DRC5: variants seen among roughly 807,000 people sequenced by gnomAD.
DRC5 encodes dynein regulatory complex subunit 5.
At chr6:44,295,317 G>A in the DRC5 span, among the ~76,000 whole-genome samples, 4 of 152,134 alleles carry the variant, frequency 2.6e-5, no homozygotes, top group South Asian at 4.1e-4. Context: ...GTGGGGACAC[G>A]TGCAGTGGAC....
At chr6:44,294,044 G>A in the DRC5 span, among the ~76,000 whole-genome samples, 8 of 151,734 alleles carry the variant, frequency 5.3e-5, no homozygotes, top group African/African-American at 1.7e-4. Flanking sequence ...GTGCCATGGC[G>A]CAATCTCAGC....
the DRC5 span, among the ~76,000 whole-genome samples, chr6:44,281,735 C>T: frequency 2.0e-3 from 304 of 152,338 alleles, 2 homozygotes; most frequent in African/African-American, 6.9e-3. Context: ...TTTAGAGACA[C>T]AGTCTATTAG....
the DRC5 span, chr6:44,288,045 G>C: frequency 8.1e-6 from 4 of 496,718 alleles, no homozygotes; most frequent in South Asian, 1.7e-4. Context: ...AGTTATCTGT[G>C]TGGCCTTGGG....
At chr6:44,292,043 C>G in the DRC5 span, among the ~76,000 whole-genome samples, 103,114 of 151,990 alleles carry the variant, frequency 0.68, 35,990 homozygotes, top group Non-Finnish European at 0.77. Flanking sequence ...CATGTGGTCT[C>G]TGGCATCCAG....
At chr6:44,282,590 G>C in the DRC5 span, 4 of 1,538,256 alleles carry the variant, frequency 2.6e-6, no homozygotes, top group Non-Finnish European at 3.5e-6. Flanking sequence ...TACAGCAACT[G>C]CCAGCCAGGG....
At chr6:44,286,191 G>T in the DRC5 span, 1 of 1,611,620 alleles carries the variant, frequency 6.2e-7, no homozygotes. Context: ...TCGCCCGGCC[G>T]GAGCTGGGCC....
the DRC5 span, chr6:44,287,160 C>A: frequency 1.0e-6 from 1 of 982,654 alleles, no homozygotes; most frequent in Non-Finnish European, 1.2e-6. Flanking sequence ...TTACAGAGCA[C>A]AAAATATGGA....
chr6:44,289,378 T>C, the DRC5 span, among the ~76,000 whole-genome samples: 1 of 152,196 alleles, frequency 6.6e-6, no homozygotes, highest in Admixed American at 6.5e-5. Flanking sequence ...TCTAAAATGT[T>C]ATTTAAACAT....
chr6:44,282,358 C>A, the DRC5 span: 2 of 1,614,158 alleles, frequency 1.2e-6, no homozygotes, highest in South Asian at 2.2e-5. Context: ...GACTGGGCAC[C>A]GGGTGCACGC....
chr6:44,280,103 G>T, the DRC5 span: 1 of 1,322,788 alleles, frequency 7.6e-7, no homozygotes, highest in Non-Finnish European at 1.1e-6. Flanking sequence ...CTCTGAACCA[G>T]TGTGATACTC....
chr6:44,282,335 A>G, the DRC5 span: 5 of 1,614,222 alleles, frequency 3.1e-6, no homozygotes, highest in South Asian at 3.3e-5. Context: ...TGTGTGCCAG[A>G]GCGTGAGCCA....
At chr6:44,296,444 C>G in the DRC5 span, among the ~76,000 whole-genome samples, 2 of 152,206 alleles carry the variant, frequency 1.3e-5, no homozygotes, top group Non-Finnish European at 2.9e-5. Flanking sequence ...TGCTCTCCTG[C>G]CCCTGGCATA....
chr6:44,285,867 A>C, the DRC5 span: 2 of 1,175,870 alleles, frequency 1.7e-6, no homozygotes, highest in Non-Finnish European at 2.4e-6. Flanking sequence ...AAGAGAAGGA[A>C]ATAGGAAGAA....
At chr6:44,291,259 CT>C in the DRC5 span, among the ~76,000 whole-genome samples, 4 of 152,172 alleles carry the variant, frequency 2.6e-5, no homozygotes, top group Non-Finnish European at 5.9e-5. Context: ...TTAATCATCT[CT>C]TGATTTTTTA....
chr6:44,290,488 T>A, the DRC5 span, among the ~76,000 whole-genome samples: 1 of 152,160 alleles, frequency 6.6e-6, no homozygotes, highest in Non-Finnish European at 1.5e-5. Flanking sequence ...TGAGATGGTA[T>A]CTTTGGGTGA....
chr6:44,294,772 C>CAAAAAAAAAAAAAAAAAAAA, the DRC5 span, among the ~76,000 whole-genome samples: 5 of 88,746 alleles, frequency 5.6e-5, no homozygotes, highest in East Asian at 3.7e-4. Context: ...AACTCTGTCT[C>CAAAAAAAAAAAAAAAAAAAA]AAAAAAAAAA....
At chr6:44,293,520 C>T in the DRC5 span, among the ~76,000 whole-genome samples, 1 of 152,042 alleles carries the variant, frequency 6.6e-6, no homozygotes. Flanking sequence ...CTTTCTTATC[C>T]CCATTTTACA....
the DRC5 span, among the ~76,000 whole-genome samples, chr6:44,292,282 T>C: frequency 6.6e-6 from 1 of 152,174 alleles, no homozygotes; most frequent in East Asian, 1.9e-4. Flanking sequence ...CTGAAATGCC[T>C]TTCCCACCAC....
chr6:44,297,325 T>C, the DRC5 span, among the ~76,000 whole-genome samples: 2 of 152,180 alleles, frequency 1.3e-5, no homozygotes, highest in Admixed American at 6.5e-5. Context: ...ACCGCTCTCC[T>C]CCACGCCCTA....
Sources: gnomAD v4.1 joint callset for allele counts (sites outside exome capture counted in the v4.1 genomes callset) on GRCh38, gnomAD v4.1.1 for gene constraint, MANE v1.5 for transcripts, NCBI Gene and HGNC (gene_info 2026-07-23, HGNC 2026-07-21) for gene names.